The following LRRC3C variants were observed in gnomAD, a reference collection of about 807,000 sequenced individuals.
The protein encoded by LRRC3C is leucine-rich repeat-containing protein 3C.
A neutral mutation model predicts 14.8 loss-of-function variants in LRRC3C; 11 were observed. The ratio of observed to expected loss-of-function variants is 0.74; its 90% confidence interval spans 0.47 to 1.23. The LOEUF (loss-of-function observed/expected upper bound fraction) is 1.23. Ranked by LOEUF, LRRC3C falls within the 50% of genes most tolerant of loss-of-function variation. LRRC3C has a pLI of 0.00. For missense variants in LRRC3C, 354 were observed against 361.8 expected, an observed-to-expected ratio of 0.98 and a Z score of 0.18; for synonymous variants, 149 against 161.5, an observed-to-expected ratio of 0.92 and a Z score of 0.59.
In LRRC3C at chr17:39,935,877, G is replaced by T; in HGVS notation, c.-99G>T. On this transcript the variant is annotated 5_prime_UTR_variant, in exon 2 of 4. Coordinates refer to ENST00000377924, the MANE Select transcript of LRRC3C (RefSeq NM_001195545.2). ...TAACCTGGCATTAGACGGGTCCCTG[G>T]CTGACCTGATAAAGAAGGTAGCCCT... is the stretch of plus-strand genomic sequence containing the variant. The T allele has an allele frequency of 1.0e-6, 1 of 985,364 alleles. No homozygotes were observed. The highest frequency in any genetic ancestry group is 5.2e-4 in the Middle Eastern group (1 of 1,914). 61.0% of individuals were successfully genotyped at this position (985,364 alleles called of 1,614,324 possible). A position where few individuals can be genotyped will look rare whatever the true frequency, so the allele number is the denominator to read the frequency against.
chr17:39,937,284 A>T (rs748737799), intron 2 of LRRC3C, among the ~76,000 whole-genome samples: 31 of 151,736 alleles, frequency 2.0e-4, no homozygotes, highest in Non-Finnish European at 3.7e-4. Flanking sequence ...GAAAATACAA[A>T]AATTATCCGG....
Position 39,944,821 on chromosome 17 carries a change from C to T in LRRC3C, c.*87C>T. 1.6e-6 allele frequency: 2 copies of T among 1,248,220 alleles called. No individual in the cohort carries two copies. Among genetic ancestry groups the T allele is most frequent in the Admixed American group, 2.2e-5 (1 of 46,124 alleles). The allele number at this position is 1,248,220 out of a possible 1,614,324, so 77.3% of individuals were successfully genotyped here. A position where few individuals can be genotyped will look rare whatever the true frequency, so the allele number is the denominator to read the frequency against. ...CTGACCCCCTCTGCCTCCTGTGCAG[C>T]TTCACCCCTGCCCCCAAGCCCATCC... is the stretch of plus-strand genomic sequence containing the variant. On this transcript the variant is annotated 3_prime_UTR_variant, in exon 4 of 4. Coordinates refer to ENST00000377924, the MANE Select transcript of LRRC3C (RefSeq NM_001195545.2).
chr17:39,928,221 C>T (rs1978542939), intron 1 of LRRC3C, among the ~76,000 whole-genome samples: 1 of 152,252 alleles, frequency 6.6e-6, no homozygotes, highest in Admixed American at 6.5e-5. Context: ...GAAGAGGCTA[C>T]GTATCATAGA....
intron 1 of LRRC3C, among the ~76,000 whole-genome samples, chr17:39,932,562 A>C (rs28631139): frequency 7.3e-6 from 1 of 136,974 alleles, no homozygotes; most frequent in African/African-American, 2.7e-5. Context: ...TCTATAAAAA[A>C]CAAAAATAAA....
At chr17:39,935,584 T>C (rs1028051362) in intron 1 of LRRC3C, among the ~76,000 whole-genome samples, 1 of 151,876 alleles carries the variant, frequency 6.6e-6, no homozygotes, top group Non-Finnish European at 1.5e-5. Context: ...ACCCAGGAGG[T>C]TGAGGCTGCA....
chr17:39,940,621 T>TC, intron 2 of LRRC3C, among the ~76,000 whole-genome samples: 1 of 152,088 alleles, frequency 6.6e-6, no homozygotes, highest in East Asian at 1.9e-4. Flanking sequence ...ACAATTTTTT[T>TC]TTTTTTTCTG....
chr17:39,944,697 G>C lies in LRRC3C; in HGVS notation c.791G>C (p.Arg264Pro). The change falls in exon 4 of 4, where the codon CGT becomes CCT. Residue 264 changes from arginine to proline, a missense_variant. Transcript: ENST00000377924. ...SLKRAPVLPV[R>P]SEDSSILSTV... ...AAGCGGGCCCCAGTGCTGCCCGTGC[G>C]TTCCGAGGACTCCTCCATCCTCAGC... The C allele has an allele frequency of 6.5e-7, 1 of 1,535,934 alleles. No homozygotes were observed. Among genetic ancestry groups the C allele is most frequent in the Non-Finnish European group, 8.7e-7 (1 of 1,146,874 alleles).
chr17:39,933,082 A>AGGAG (rs1357110492), intron 1 of LRRC3C, among the ~76,000 whole-genome samples: 1 of 151,502 alleles, frequency 6.6e-6, no homozygotes, highest in Non-Finnish European at 1.5e-5. Flanking sequence ...GAAGGAAGGA[A>AGGAG]GAAAGACAAC....
At position 39,939,391 on chromosome 17, in the gene LRRC3C, C is replaced by T. The variant is rs557279486; in HGVS notation, c.-81-2052C>T. The T allele has an allele frequency of 6.0e-4, 590 of 985,444 alleles. 1 individual carries two copies. Among genetic ancestry groups the T allele is most frequent in the Middle Eastern group, 1.0e-3 (2 of 1,914 alleles). 61.0% of individuals were successfully genotyped at this position (985,444 alleles called of 1,614,324 possible). A position where few individuals can be genotyped will look rare whatever the true frequency, so the allele number is the denominator to read the frequency against. ...GCAGCACATCAAAGCATTGTGGAGA[C>T]ATGTCTGTGCCTCCCTCCAGACCAT... On this transcript the variant is annotated intron_variant, in intron 2 of 3. Coordinates refer to ENST00000377924, the MANE Select transcript of LRRC3C (RefSeq NM_001195545.2).
intron 1 of LRRC3C, chr17:39,929,087 C>T (rs978698282): frequency 6.6e-6 from 1 of 152,162 alleles, no homozygotes; most frequent in African/African-American, 2.4e-5. Context: ...ATAAGCAAAC[C>T]CAGTGTTGTT....
intron 1 of LRRC3C, among the ~76,000 whole-genome samples, chr17:39,932,527 A>ACCCCCCCCCCCC (rs147624649): frequency 2.1e-4 from 15 of 71,306 alleles, no homozygotes; most frequent in Non-Finnish European, 3.3e-4. Context: ...ACGTAATGAG[A>ACCCCCCCCCCCC]CCCCCCCCCC....
intron 1 of LRRC3C, among the ~76,000 whole-genome samples, chr17:39,935,563 A>G (rs530121598): frequency 5.8e-4 from 88 of 152,150 alleles, no homozygotes; most frequent in African/African-American, 2.0e-3. Context: ...TGAGGTGGGA[A>G]GACGGCTTGA....
At position 39,927,798 on chromosome 17, in the gene LRRC3C, C is replaced by T; in HGVS notation, c.-191C>T. On this transcript the variant is annotated 5_prime_UTR_variant, in exon 1 of 4. Coordinates refer to ENST00000377924, the MANE Select transcript of LRRC3C (RefSeq NM_001195545.2). Reference sequence around the variant, plus strand: ...TTGTACCGTGACGTGATGGTCAGATCGGATGATAGAATTTTGGTGCGTAAC... The same window carrying T: ...TTGTACCGTGACGTGATGGTCAGATTGGATGATAGAATTTTGGTGCGTAAC... The T allele has an allele frequency of 1.0e-5, 10 of 985,500 alleles. No homozygotes were observed. Among genetic ancestry groups the T allele is most frequent in the Non-Finnish European group, 1.2e-5 (10 of 829,958 alleles). The allele number at this position is 985,500 out of a possible 1,614,324, so 61.0% of individuals were successfully genotyped here. A position where few individuals can be genotyped will look rare whatever the true frequency, so the allele number is the denominator to read the frequency against.
At chr17:39,936,649 C>CAAA (rs762019861) in intron 2 of LRRC3C, among the ~76,000 whole-genome samples, 7 of 77,370 alleles carry the variant, frequency 9.0e-5, no homozygotes. Context: ...CACAAAAATA[C>CAAA]AAAAAAAAAA....
Position 39,944,227 on chromosome 17 carries a change from GT to G in LRRC3C, c.323del (p.Leu108TrpfsTer48). The G allele has an allele frequency of 6.5e-7, 1 of 1,535,818 alleles. No homozygotes were observed. The highest frequency in any genetic ancestry group is 8.7e-7 in the Non-Finnish European group (1 of 1,146,790). ...TCCAGCACCTGCCTGTCCTGGAGGA[GT>G]TGGATCTGTCCCATAATGCCCTTGC... is the stretch of plus-strand genomic sequence containing the variant. Reference protein sequence around the residue: ...AFQHLPVLEELDLSHNALAHL... With the variant: ...AFQHLPVLEEXDLSHNALAHL... On this transcript the variant is annotated frameshift_variant, in exon 4 of 4. Transcript: ENST00000377924. LOFTEE classifies it high-confidence loss of function.
In LRRC3C at chr17:39,944,760, A is replaced by G. The variant is rs1004768261; in HGVS notation, c.*26A>G. The G allele has an allele frequency of 7.2e-6, 11 of 1,530,372 alleles. No homozygotes were observed. Among genetic ancestry groups the G allele is most frequent in the Non-Finnish European group, 7.0e-6 (8 of 1,143,074 alleles). 94.8% of individuals were successfully genotyped at this position (1,530,372 alleles called of 1,614,324 possible). A position where few individuals can be genotyped will look rare whatever the true frequency, so the allele number is the denominator to read the frequency against. On this transcript the variant is annotated 3_prime_UTR_variant, in exon 4 of 4. Transcript: ENST00000377924. ...TGACCCAGGATGCTCCTCCAGCCAC[A>G]CCCCACACTCCTGCCCCTATGCCCT...
chr17:39,932,486 T>A, intron 1 of LRRC3C, among the ~76,000 whole-genome samples: 1 of 148,424 alleles, frequency 6.7e-6, no homozygotes, highest in East Asian at 2.0e-4. Flanking sequence ...GGAGGATTGC[T>A]TGAGGCCAGG....
intron 2 of LRRC3C, 22 bp from the exon 3 acceptor site, chr17:39,941,421 C>A (rs75270719): frequency 0.031 from 26,218 of 834,112 alleles, 605 homozygotes; most frequent in Non-Finnish European, 0.041. Flanking sequence ...CCACACACAC[C>A]CCATTTTTAT....
At chr17:39,933,695 A>T (rs111561089) in intron 1 of LRRC3C, among the ~76,000 whole-genome samples, 10,477 of 151,968 alleles carry the variant, frequency 0.069, 1,173 homozygotes, top group African/African-American at 0.24. Flanking sequence ...ATGGCGCCAC[A>T]GCACTCCAGC....
Sources: allele counts gnomAD v4.1 joint callset (sites outside exome capture counted in the v4.1 genomes callset), GRCh38; gene constraint gnomAD v4.1.1; transcripts MANE v1.5; gene names NCBI Gene and HGNC (gene_info 2026-07-23, HGNC 2026-07-21).